The following COL25A1 variants were observed in gnomAD, a reference collection of about 807,000 sequenced individuals.
COL25A1 encodes the protein collagen type XXV alpha 1 chain.
Under a neutral mutation model 128.4 loss-of-function variants are expected in COL25A1, and 103 were observed. The observed-to-expected ratio is 0.80, with a 90% CI of 0.68 to 0.94. The LOEUF (loss-of-function observed/expected upper bound fraction) is 0.94. COL25A1 is among the 40% of genes least tolerant of loss of function. COL25A1 has a pLI of 0.00. For synonymous variants in COL25A1, 279 were observed against 277.2 expected, an observed-to-expected ratio of 1.01 and a Z score of -0.06; for missense variants, 745 against 840.0, an observed-to-expected ratio of 0.89 and a Z score of 1.40.
intron 8 of COL25A1, among the ~76,000 whole-genome samples, chr4:108,946,711 T>C (rs1428904173): frequency 6.6e-6 from 1 of 151,986 alleles, no homozygotes; most frequent in Non-Finnish European, 1.5e-5. Flanking sequence ...GCGGGGGGGC[T>C]ACAAAGAAAA....
chr4:109,052,118 C>T (rs1013916361), intron 3 of COL25A1, among the ~76,000 whole-genome samples: 1 of 152,010 alleles, frequency 6.6e-6, no homozygotes, highest in East Asian at 1.9e-4. Context: ...ATGTGTCTTT[C>T]AACAGTGGAT....
At chr4:109,055,536 A>G (rs1347274100) in intron 3 of COL25A1, among the ~76,000 whole-genome samples, 1 of 152,204 alleles carries the variant, frequency 6.6e-6, no homozygotes, top group Non-Finnish European at 1.5e-5. Context: ...TTGAATTCAC[A>G]TTCCACAGAC....
At chr4:108,891,434 A>G (rs1741487627) in intron 16 of COL25A1, among the ~76,000 whole-genome samples, 1 of 152,316 alleles carries the variant, frequency 6.6e-6, no homozygotes, top group African/African-American at 2.4e-5. Context: ...GGGAAGCAAC[A>G]TGTCCAATAA....
intron 36 of COL25A1, 119 bp downstream of exon 36, chr4:108,819,133 C>T: frequency 1.5e-6 from 1 of 673,264 alleles, no homozygotes; most frequent in South Asian, 2.2e-5. Context: ...CATGCACATG[C>T]ATGTAGTGTG....
chr4:109,067,662 G>T (rs1202681922), intron 3 of COL25A1, among the ~76,000 whole-genome samples: 1 of 152,182 alleles, frequency 6.6e-6, no homozygotes, highest in African/African-American at 2.4e-5. Flanking sequence ...TTTCCAGGGA[G>T]TAGTTTATGT....
chr4:109,277,396 C>G (rs1405175236), intron 3 of COL25A1, among the ~76,000 whole-genome samples: 1 of 152,080 alleles, frequency 6.6e-6, no homozygotes, highest in Non-Finnish European at 1.5e-5. Context: ...AAGTAATTAG[C>G]CTGGTTGAAA....
chr4:109,121,552 T>C (rs923158466), intron 3 of COL25A1, among the ~76,000 whole-genome samples: 1 of 152,030 alleles, frequency 6.6e-6, no homozygotes, highest in African/African-American at 2.4e-5. Context: ...TTAGGAATTG[T>C]AAATTAAAAC....
At chr4:109,138,348 G>C (rs1049577410) in intron 3 of COL25A1, among the ~76,000 whole-genome samples, 2 of 152,138 alleles carry the variant, frequency 1.3e-5, no homozygotes, top group African/African-American at 4.8e-5. Context: ...AGTATTCCAT[G>C]GCGTATATGT....
chr4:108,842,413 G>A (rs1323230600), intron 30 of COL25A1, among the ~76,000 whole-genome samples: 1 of 152,146 alleles, frequency 6.6e-6, no homozygotes, highest in East Asian at 1.9e-4. Context: ...CACATACTTT[G>A]TAGAAAATCT....
rs948663792 is a variant in COL25A1, at chr4:108,892,057, A to C, written c.907-2324T>G. 2.6e-5 allele frequency among the ~76,000 whole-genome samples: 4 copies of C among 151,910 alleles called. No individual in the cohort carries two copies. In the East Asian group the frequency reaches 5.8e-4, roughly 22 times the overall value. On this transcript the variant is annotated intron_variant, in intron 16 of 37. Transcript: ENST00000399132. ...ATTTTTATAACTTTTAAGTGGTAAC[A>C]TGACTGCTGGAAGACAGTCATAAGT...
chr4:108,827,907 T>C (rs1251763449), intron 32 of COL25A1, among the ~76,000 whole-genome samples: 1 of 152,124 alleles, frequency 6.6e-6, no homozygotes, highest in African/African-American at 2.4e-5. Context: ...TATATTTTAT[T>C]TCACAGCCCT....
intron 3 of COL25A1, among the ~76,000 whole-genome samples, chr4:109,149,852 T>C (rs1236702054): frequency 2.0e-5 from 3 of 152,200 alleles, no homozygotes; most frequent in African/African-American, 7.2e-5. Flanking sequence ...AATGTAGACA[T>C]ATATAAATGA....
chr4:108,919,332 T>A (rs1745225900), intron 12 of COL25A1, among the ~76,000 whole-genome samples: 1 of 152,164 alleles, frequency 6.6e-6, no homozygotes, highest in East Asian at 1.9e-4. Flanking sequence ...GAAGCAGTAA[T>A]TTTATCCTGG....
chr4:109,212,664 G>A (rs1451240758), intron 3 of COL25A1, among the ~76,000 whole-genome samples: 1 of 152,140 alleles, frequency 6.6e-6, no homozygotes, highest in Non-Finnish European at 1.5e-5. Flanking sequence ...GAGGAAAGTG[G>A]AAAGCCAAGG....
chr4:109,107,684 T>C (rs1264479908), intron 3 of COL25A1, among the ~76,000 whole-genome samples: 3 of 152,212 alleles, frequency 2.0e-5, no homozygotes, highest in Non-Finnish European at 4.4e-5. Flanking sequence ...CCAGCTCTTA[T>C]TTAGGTAAAC....
chr4:109,228,302 T>C (rs116824925), intron 3 of COL25A1, among the ~76,000 whole-genome samples: 3,167 of 152,238 alleles, frequency 0.021, 48 homozygotes, highest in Non-Finnish European at 0.03. Flanking sequence ...CAAAGTAAAA[T>C]TAAGTCCACA....
At chr4:109,147,289 G>A (rs529716961) in intron 3 of COL25A1, among the ~76,000 whole-genome samples, 123 of 152,168 alleles carry the variant, frequency 8.1e-4, no homozygotes, top group Non-Finnish European at 4.7e-4. Context: ...AAGGAAACAG[G>A]AAAGAGTCTC....
At chr4:108,850,542 C>T (rs1279354654) in intron 26 of COL25A1, among the ~76,000 whole-genome samples, 1 of 152,106 alleles carries the variant, frequency 6.6e-6, no homozygotes, top group African/African-American at 2.4e-5. Flanking sequence ...ACTCAACCCT[C>T]CTCCATATTG....
intron 33 of COL25A1, among the ~76,000 whole-genome samples, chr4:108,826,343 G>C (rs1732375341): frequency 1.3e-5 from 2 of 152,136 alleles, no homozygotes; most frequent in Admixed American, 1.3e-4. Context: ...TTTGAGACCA[G>C]CGTGGCCAAC....
Sources: gnomAD v4.1 joint callset for allele counts (sites outside exome capture counted in the v4.1 genomes callset) on GRCh38, gnomAD v4.1.1 for gene constraint, MANE v1.5 for transcripts, NCBI Gene and HGNC (gene_info 2026-07-23, HGNC 2026-07-21) for gene names.